Variants in PRUNE2 observed in about 807,000 individuals in gnomAD.
The protein encoded by PRUNE2 is protein prune homolog 2.
PRUNE2 carries 164 observed loss-of-function variants against 252.0 expected under a neutral mutation model. The observed-to-expected ratio is 0.65, with a 90% CI of 0.57 to 0.74. The LOEUF is 0.74. Among genes scored for constraint, PRUNE2 ranks in the 30% least tolerant of loss-of-function variants. PRUNE2 has a pLI of 0.00. For missense variants in PRUNE2, 3,495 were observed against 3,711.0 expected (o/e 0.94, Z 1.51); for synonymous variants, 1,292 against 1,350.2 (o/e 0.96, Z 0.94).
At chr9:76,799,691 A>G (rs561501575) in intron 6 of PRUNE2, among the ~76,000 whole-genome samples, 1 of 152,344 alleles carries the variant, frequency 6.6e-6, no homozygotes, top group African/African-American at 2.4e-5. Context: ...TTTCTGCTCC[A>G]ACAAGAAGGC....
intron 9 of PRUNE2, among the ~76,000 whole-genome samples, chr9:76,688,743 T>C (rs1483409554): frequency 6.6e-6 from 1 of 152,198 alleles, no homozygotes; most frequent in Non-Finnish European, 1.5e-5. Context: ...CAGCTTTCCA[T>C]TGCTGACAAA....
chr9:76,901,698 C>T (rs12380795), intron 1 of PRUNE2, among the ~76,000 whole-genome samples: 1 of 152,158 alleles, frequency 6.6e-6, no homozygotes, highest in African/African-American at 2.4e-5. Flanking sequence ...TTTCTTGTCC[C>T]TATGGCACAT....
At chr9:76,760,755 A>C (rs1040909864) in intron 6 of PRUNE2, among the ~76,000 whole-genome samples, 27 of 152,072 alleles carry the variant, frequency 1.8e-4, no homozygotes, top group African/African-American at 5.3e-4. Flanking sequence ...CTCTACATGC[A>C]TCTTAGATTT....
In PRUNE2 at chr9:76,766,848, G is replaced by A. The variant is rs150771570; in HGVS notation, c.757-53127C>T. Among the ~76,000 whole-genome samples, 322 of 152,082 alleles carry A rather than the reference G, an allele frequency of 2.1e-3. 3 individuals are homozygous for A. The highest frequency in any genetic ancestry group is 7.6e-3 in the African/African-American group (315 of 41,462). ...CTTTCTCTCCAAAGCACTGTTCTGC[G>A]GTCCAACCCTACCACTGTCACTGTC... is the stretch of plus-strand genomic sequence containing the variant. On this transcript the variant is annotated intron_variant, in intron 6 of 18. Transcript: ENST00000376718.
intron 9 of PRUNE2, among the ~76,000 whole-genome samples, chr9:76,670,587 C>T (rs953967542): frequency 1.4e-4 from 22 of 152,190 alleles, no homozygotes; most frequent in African/African-American, 5.1e-4. Context: ...GTAGGCTCCA[C>T]CTCTGGGGGC....
intron 6 of PRUNE2, among the ~76,000 whole-genome samples, chr9:76,772,473 T>A (rs898277923): frequency 2.0e-5 from 3 of 152,158 alleles, no homozygotes; most frequent in Non-Finnish European, 4.4e-5. Flanking sequence ...CTAAGCAAAC[T>A]CTTAAAGGAA....
At chr9:76,686,237 CAT>C (rs2044073780) in intron 9 of PRUNE2, among the ~76,000 whole-genome samples, 1 of 152,182 alleles carries the variant, frequency 6.6e-6, no homozygotes, top group Admixed American at 6.5e-5. Flanking sequence ...TATAGCATTA[CAT>C]GAGATTCCAT....
intron 15 of PRUNE2, among the ~76,000 whole-genome samples, chr9:76,633,123 G>A (rs1465486286): frequency 6.6e-6 from 1 of 151,988 alleles, no homozygotes; most frequent in Non-Finnish European, 1.5e-5. Context: ...TTGGGAGGTG[G>A]AGGCAGGAGA....
chr9:76,690,195 GC>G (rs967072450), intron 9 of PRUNE2, among the ~76,000 whole-genome samples: 2 of 152,164 alleles, frequency 1.3e-5, no homozygotes, highest in African/African-American at 4.8e-5. Context: ...TTTTCCTTCT[GC>G]CCTTTCTCGC....
chr9:76,705,636 T>A lies in PRUNE2; in HGVS notation c.6638A>T (p.Asp2213Val). Residue 2213 changes from aspartate to valine, a missense_variant, in exon 8 of 19, where the codon GAT (aspartate) becomes GTT (valine). Asp to Val is a radical substitution (Grantham distance 152). Coordinates refer to ENST00000376718, the MANE Select transcript of PRUNE2 (RefSeq NM_015225.3). ...AACTGGTTCCAAAATTGGTGCCATA[T>A]CTGGGCTGGCTCCTTTTTCTGATAC... ...LQVSEKGASP[D>V]MAPILEPVDR... 1.2e-6 allele frequency: 2 copies of A among 1,614,064 alleles called. No individual in the cohort carries two copies. The highest frequency in any genetic ancestry group is 2.2e-5 in the South Asian group (2 of 91,088).
intron 12 of PRUNE2, among the ~76,000 whole-genome samples, chr9:76,641,307 G>T (rs1364793914): frequency 6.6e-6 from 1 of 152,136 alleles, no homozygotes; most frequent in Non-Finnish European, 1.5e-5. Flanking sequence ...AGCAGGAGAG[G>T]GGATAATTAA....
chr9:76,880,916 A>G (rs1309991610), intron 1 of PRUNE2, among the ~76,000 whole-genome samples: 1 of 152,074 alleles, frequency 6.6e-6, no homozygotes, highest in Admixed American at 6.5e-5. Context: ...AAATATTGAT[A>G]AATATAACAC....
intron 9 of PRUNE2, among the ~76,000 whole-genome samples, chr9:76,668,231 T>C (rs778352607): frequency 6.6e-6 from 1 of 152,202 alleles, no homozygotes; most frequent in Non-Finnish European, 1.5e-5. Context: ...TGTAAAAAGA[T>C]GTTTACTGTA....
At chr9:76,883,634 G>A (rs1187160224) in intron 1 of PRUNE2, among the ~76,000 whole-genome samples, 1 of 152,176 alleles carries the variant, frequency 6.6e-6, no homozygotes, top group African/African-American at 2.4e-5. Flanking sequence ...TCTTTGTAAT[G>A]AGAGGAATTT....
At chr9:76,826,023 G>C (rs867580566) in intron 5 of PRUNE2, among the ~76,000 whole-genome samples, 3 of 152,312 alleles carry the variant, frequency 2.0e-5, no homozygotes, top group South Asian at 4.1e-4. Context: ...ATGCACCTGA[G>C]ATATGCACTA....
At chr9:76,847,142 T>C (rs770471807) in intron 3 of PRUNE2, among the ~76,000 whole-genome samples, 1 of 151,980 alleles carries the variant, frequency 6.6e-6, no homozygotes, top group Non-Finnish European at 1.5e-5. Flanking sequence ...CTGGCCAACA[T>C]GGTGAAACCT....
chr9:76,867,105 T>A (rs1353978225), intron 1 of PRUNE2, among the ~76,000 whole-genome samples: 1 of 152,084 alleles, frequency 6.6e-6, no homozygotes, highest in East Asian at 1.9e-4. Flanking sequence ...AGGCTGAGAT[T>A]AGAGTAGCAA....
chr9:76,669,290 C>T (rs1427289802), intron 9 of PRUNE2, among the ~76,000 whole-genome samples: 4 of 150,396 alleles, frequency 2.7e-5, no homozygotes, highest in East Asian at 4.0e-4. Flanking sequence ...CACACCACCA[C>T]CACCCTCTCA....
intron 9 of PRUNE2, among the ~76,000 whole-genome samples, chr9:76,677,844 C>T (rs1004187322): frequency 1.3e-5 from 2 of 152,102 alleles, no homozygotes; most frequent in Admixed American, 6.5e-5. Context: ...CATATGAGCT[C>T]AAACCTGGGA....
Sources: allele counts gnomAD v4.1 joint callset (sites outside exome capture counted in the v4.1 genomes callset), GRCh38; gene constraint gnomAD v4.1.1; transcripts MANE v1.5; gene names NCBI Gene and HGNC (gene_info 2026-07-23, HGNC 2026-07-21).